ATP6V1H: variants seen among roughly 807,000 people sequenced by gnomAD.
ATP6V1H encodes ATPase H+ transporting V1 subunit H, also known as V-type proton ATPase subunit H.
Under a neutral mutation model 71.7 loss-of-function variants are expected in ATP6V1H, and 39 were observed. The observed-to-expected ratio is 0.54, with a 90% CI of 0.42 to 0.71. The LOEUF (loss-of-function observed/expected upper bound fraction) is 0.71. Ranked by LOEUF, ATP6V1H falls within the 30% of genes least tolerant of loss-of-function variation. ATP6V1H has a pLI of 0.00. For synonymous variants in ATP6V1H, 192 were observed against 199.3 expected (o/e 0.96, Z 0.31); for missense variants, 509 against 594.9 (o/e 0.86, Z 1.50).
rs1427393123 is a variant in ATP6V1H at position 53,784,483 on chromosome 8, CTT to C, written c.870+11162_870+11163del. Among the ~76,000 whole-genome samples the C allele has an allele frequency of 3.3e-5, 5 of 152,124 alleles. No individual in the cohort carries two copies. The South Asian group carries it at 8.3e-4, about 25-fold the overall frequency. ...TACAGCACACTGATGGGTCTTGACT[CTT>C]TATCCAATTTGCCAGTCTGTGTCTT... On this transcript the variant is annotated intron_variant, in intron 9 of 13. Transcript: ENST00000359530.
intron 13 of ATP6V1H, among the ~76,000 whole-genome samples, chr8:53,735,725 T>C (rs1320341109): frequency 6.6e-6 from 1 of 152,186 alleles, no homozygotes; most frequent in Non-Finnish European, 1.5e-5. Context: ...CACACAAAAA[T>C]GCCTATAAGC....
intron 11 of ATP6V1H, among the ~76,000 whole-genome samples, chr8:53,759,530 C>A (rs1808188911): frequency 6.6e-6 from 1 of 152,248 alleles, no homozygotes; most frequent in Admixed American, 6.5e-5. Context: ...GGCAGCAACA[C>A]ACCACAGCTC....
chr8:53,730,824 C>G (rs1227400740), intron 13 of ATP6V1H, among the ~76,000 whole-genome samples: 1 of 152,036 alleles, frequency 6.6e-6, no homozygotes. Flanking sequence ...CCTTTTCCAC[C>G]TCAACCAGGA....
intron 11 of ATP6V1H, among the ~76,000 whole-genome samples, chr8:53,764,277 CAACA>C (rs1808373470): frequency 6.6e-6 from 1 of 152,100 alleles, no homozygotes; most frequent in Non-Finnish European, 1.5e-5. Flanking sequence ...CAAAAATCCT[CAACA>C]AAAATATTGG....
intron 9 of ATP6V1H, among the ~76,000 whole-genome samples, chr8:53,792,077 A>C (rs572513948): frequency 6.6e-6 from 1 of 152,356 alleles, no homozygotes; most frequent in East Asian, 1.9e-4. Context: ...AAGCCTCATT[A>C]ATACAACCTA....
chr8:53,784,799 C>A (rs545970961), intron 9 of ATP6V1H, among the ~76,000 whole-genome samples: 2 of 152,144 alleles, frequency 1.3e-5, no homozygotes. Flanking sequence ...GCTTATGAAG[C>A]TTAGTTTGGC....
intron 13 of ATP6V1H, among the ~76,000 whole-genome samples, chr8:53,728,839 C>T (rs975110472): frequency 1.1e-4 from 17 of 152,188 alleles, no homozygotes; most frequent in South Asian, 2.1e-4. Context: ...CTTTCCCCAA[C>T]GGATGCAGAG....
intron 2 of ATP6V1H, among the ~76,000 whole-genome samples, chr8:53,834,385 C>T (rs955239424): frequency 1.3e-5 from 2 of 152,156 alleles, no homozygotes; most frequent in Admixed American, 6.5e-5. Context: ...TTTTTGTAAT[C>T]TATTTTCCTG....
chr8:53,795,519 T>A (rs933468653), intron 9 of ATP6V1H, 128 bp downstream of exon 9: 5 of 820,508 alleles, frequency 6.1e-6, no homozygotes, highest in Non-Finnish European at 9.8e-6. Context: ...TTACTCTATA[T>A]TCACCAAGAC....
In ATP6V1H at chr8:53,843,213, C is replaced by G. The variant is rs1811401385; in HGVS notation, c.-215G>C. ...AGCCGAAAGTGAAGCGGGTCCCGCA[C>G]CAAGGAGACGTTGAGGGCCGCACAG... On this transcript the variant is annotated 5_prime_UTR_variant, in exon 1 of 14. Transcript: ENST00000359530. 1 of 152,420 alleles carries G rather than the reference C, an allele frequency of 6.6e-6. No homozygotes were observed. The highest frequency in any genetic ancestry group is 1.5e-5 in the Non-Finnish European group (1 of 68,216). The allele number at this position is 152,420 out of a possible 1,614,324, so 9.4% of individuals were successfully genotyped here. A position where few individuals can be genotyped will look rare whatever the true frequency, so the allele number is the denominator to read the frequency against.
chr8:53,827,878 C>A (rs1469029612), intron 4 of ATP6V1H, among the ~76,000 whole-genome samples: 8 of 152,082 alleles, frequency 5.3e-5, no homozygotes, highest in Non-Finnish European at 1.2e-4. Flanking sequence ...TGTTCAGTTC[C>A]TGTGTTAGTT....
At chr8:53,792,659 A>G (rs1182399561) in intron 9 of ATP6V1H, among the ~76,000 whole-genome samples, 2 of 152,258 alleles carry the variant, frequency 1.3e-5, no homozygotes, top group Non-Finnish European at 2.9e-5. Context: ...TGGAGCTGGC[A>G]GATCTCAGTG....
chr8:53,827,740 T>C (rs146922618), intron 4 of ATP6V1H, among the ~76,000 whole-genome samples: 153 of 152,276 alleles, frequency 1.0e-3, no homozygotes, highest in Non-Finnish European at 1.9e-3. Context: ...TAGTTATTTT[T>C]TTCTGATCCT....
At chr8:53,771,437 C>T (rs546382599) in intron 10 of ATP6V1H, among the ~76,000 whole-genome samples, 32 of 152,140 alleles carry the variant, frequency 2.1e-4, no homozygotes, top group African/African-American at 7.0e-4. Context: ...AGGGGGCAGG[C>T]AGAGAGGGGT....
At chr8:53,725,784 C>A (rs1014949890) in intron 13 of ATP6V1H, among the ~76,000 whole-genome samples, 1 of 151,870 alleles carries the variant, frequency 6.6e-6, no homozygotes, top group Non-Finnish European at 1.5e-5. Flanking sequence ...GGGAGACAGA[C>A]AAAAACAGCT....
intron 2 of ATP6V1H, among the ~76,000 whole-genome samples, chr8:53,838,197 C>G (rs997738082): frequency 6.6e-6 from 1 of 151,652 alleles, no homozygotes; most frequent in Non-Finnish European, 1.5e-5. Context: ...GCAACCTCGG[C>G]TCACTGCAAC....
At chr8:53,748,981 GAACA>G (rs1257928318) in intron 12 of ATP6V1H, among the ~76,000 whole-genome samples, 3 of 152,208 alleles carry the variant, frequency 2.0e-5, no homozygotes, top group Non-Finnish European at 4.4e-5. Context: ...TATTTTAACA[GAACA>G]AACATGATTC....
chr8:53,766,507 A>C (rs1287660048), intron 11 of ATP6V1H, among the ~76,000 whole-genome samples: 3 of 152,246 alleles, frequency 2.0e-5, no homozygotes, highest in Non-Finnish European at 4.4e-5. Flanking sequence ...TGTTCAGGGA[A>C]TAAGAGAGAT....
chr8:53,817,935 C>G (rs1254983000), intron 4 of ATP6V1H, among the ~76,000 whole-genome samples: 1 of 152,050 alleles, frequency 6.6e-6, no homozygotes, highest in Non-Finnish European at 1.5e-5. Context: ...GCACCTCGAA[C>G]TACTAACAAA....
Sources: gnomAD v4.1 joint callset for allele counts (sites outside exome capture counted in the v4.1 genomes callset) on GRCh38, gnomAD v4.1.1 for gene constraint, MANE v1.5 for transcripts, NCBI Gene and HGNC (gene_info 2026-07-23, HGNC 2026-07-21) for gene names.